The following ADH7 variants were observed in gnomAD, a reference collection of about 807,000 sequenced individuals.
ADH7 encodes the protein all-trans-retinol dehydrogenase [NAD(+)] ADH7.
Under a neutral mutation model 34.4 loss-of-function variants are expected in ADH7, and 41 were observed. The observed-to-expected ratio is 1.19, with a 90% confidence interval of 0.93 to 1.55. The LOEUF (loss-of-function observed/expected upper bound fraction) is 1.55, where lower values mean the gene tolerates loss of function less well. Ranked by LOEUF, ADH7 falls within the 40% of genes most tolerant of loss-of-function variation. ADH7 has a pLI of 0.00. For synonymous variants in ADH7, 180 were observed against 160.9 expected (o/e 1.12, Z -0.90); for missense variants, 540 against 461.2 (o/e 1.17, Z -1.56).
intron 1 of ADH7, among the ~76,000 whole-genome samples, chr4:99,434,032 C>T (rs1282024318): frequency 6.6e-6 from 1 of 152,068 alleles, no homozygotes; most frequent in African/African-American, 2.4e-5. Flanking sequence ...ATTGCATGAC[C>T]ATATATCAAA....
chr4:99,431,813 A>G (rs1245244282), intron 1 of ADH7, among the ~76,000 whole-genome samples: 2 of 152,218 alleles, frequency 1.3e-5, no homozygotes, highest in Non-Finnish European at 2.9e-5. Context: ...CTAAAAAGTC[A>G]AAAAACAAAC....
Position 99,420,578 on chromosome 4 carries a change from G to A in ADH7, c.780C>T (p.Asn260=). The change falls in exon 6 of 9, where the codon AAC becomes AAT. Residue 260 remains asparagine (N), a synonymous_variant. Transcript: ENST00000437033. ...TAACTTCAAAGGTGTATCCCACGTT[G>A]TTGCCTGTCATTTCTGACAGCACCT... is the stretch of plus-strand genomic sequence containing the variant. ...ISEVLSEMTG[N]NVGYTFEVIG... 2.5e-6 allele frequency: 4 copies of A among 1,613,892 alleles called. No homozygotes were observed. Among genetic ancestry groups the A allele is most frequent in the Non-Finnish European group, 3.4e-6 (4 of 1,179,902 alleles).
At chr4:99,424,348 A>G (rs1721746171) in intron 5 of ADH7, among the ~76,000 whole-genome samples, 4 of 152,098 alleles carry the variant, frequency 2.6e-5, no homozygotes, top group Admixed American at 2.6e-4. Flanking sequence ...CTTAGGATTG[A>G]CTTGGCGATG....
Position 99,420,666 on chromosome 4 carries a change from T to A in ADH7, c.692A>T (p.Lys231Met), listed in dbSNP as rs1721630941. The A allele has an allele frequency of 1.2e-6, 2 of 1,613,848 alleles. No individual in the cohort carries two copies. The highest frequency in any genetic ancestry group is 2.7e-5 in the African/African-American group (2 of 74,898). The change falls in exon 6 of 9, where the codon AAG (lysine) becomes ATG (methionine). Residue 231 changes from lysine to methionine, a missense_variant. Physicochemically the swap from Lys to Met is moderately conservative, Grantham distance 95 (BLOSUM62 -1). Coordinates refer to ENST00000437033, the MANE Select transcript of ADH7 (RefSeq NM_000673.7). ...GIDLNKDKFEKAMAVGATECI... is the reference protein window; with the variant it reads ...GIDLNKDKFEMAMAVGATECI... ...CTCAGTGGCACCTACAGCCATGGCC[T>A]TCTCAAATTTGTCTTTGTTGAGGTC...
intron 1 of ADH7, chr4:99,430,405 T>A (rs562516054): frequency 1.1e-4 from 17 of 152,322 alleles, no homozygotes; most frequent in Admixed American, 7.8e-4. Context: ...ATTATTGAAT[T>A]ATGACAGAGA....
At chr4:99,415,341 A>T in intron 8 of ADH7, 137 bp downstream of exon 8, 1 of 939,272 alleles carries the variant, frequency 1.1e-6, no homozygotes, top group Non-Finnish European at 1.6e-6. Context: ...GTGGGTAAAG[A>T]GAAGTAATTA....
Position 99,420,639 on chromosome 4 carries a change from C to A in ADH7, c.719G>T (p.Cys240Phe). The A allele has an allele frequency of 6.2e-7, 1 of 1,613,910 alleles. No homozygotes were observed. Among genetic ancestry groups the A allele is most frequent in the Non-Finnish European group, 8.5e-7 (1 of 1,179,922 alleles). Reference sequence around the variant, plus strand: ...TTTGGTAGAGTCCTTGGGACTGATACACTCAGTGGCACCTACAGCCATGGC... The same window carrying A: ...TTTGGTAGAGTCCTTGGGACTGATAAACTCAGTGGCACCTACAGCCATGGC... ...EKAMAVGATE[C>F]ISPKDSTKPI... is the part of the protein sequence containing the mutation. The change falls in exon 6 of 9, where the codon TGT becomes TTT. Residue 240 changes from cysteine (C) to phenylalanine (F), a missense_variant. Physicochemically the swap from Cys to Phe is radical, Grantham distance 205 (BLOSUM62 -2). Coordinates refer to ENST00000437033, the MANE Select transcript of ADH7 (RefSeq NM_000673.7).
chr4:99,413,842 C>T (rs895622268), intron 8 of ADH7, among the ~76,000 whole-genome samples: 13 of 152,068 alleles, frequency 8.5e-5, no homozygotes, highest in African/African-American at 1.2e-4. Context: ...ATCATCAAGG[C>T]TTAGAATTGG....
At chr4:99,415,302 T>A in intron 8 of ADH7, 176 bp downstream of exon 8, 1 of 684,208 alleles carries the variant, frequency 1.5e-6, no homozygotes, top group Admixed American at 3.0e-5. Context: ...TTTTTTTTTT[T>A]TATAGTAGTA....
chr4:99,435,212 T>TTACTTTTCCAGCAGTGCCCATCCTGTC lies in ADH7; in HGVS notation c.-6_18+3dup, dbSNP rs750777249. Reference sequence around the variant, plus strand: ...TGAGGAGGGGACAGAAATGTTCCACTTACTTTTCCAGCAGTGCCCATCCTG... The same window carrying TTACTTTTCCAGCAGTGCCCATCCTGTC: ...TGAGGAGGGGACAGAAATGTTCCACTTACTTTTCCAGCAGTGCCCATCCTGTCTACTTTTCCAGCAGTGCCCATCCTG... On this transcript the variant is annotated splice_donor_region_variant and intron_variant, in intron 1 of 8. Coordinates refer to ENST00000437033, the MANE Select transcript of ADH7 (RefSeq NM_000673.7). 2.5e-6 allele frequency: 4 copies of TTACTTTTCCAGCAGTGCCCATCCTGTC among 1,613,128 alleles called. No individual in the cohort carries two copies. In the Admixed American group the frequency reaches 5.0e-5, roughly 20 times the overall value.
chr4:99,419,827 A>G (rs1433369773), intron 6 of ADH7, among the ~76,000 whole-genome samples: 1 of 152,222 alleles, frequency 6.6e-6, no homozygotes, highest in Non-Finnish European at 1.5e-5. Flanking sequence ...ATGATAAATT[A>G]AGGACTATTT....
intron 5 of ADH7, among the ~76,000 whole-genome samples, chr4:99,423,646 C>T: frequency 6.6e-6 from 1 of 152,194 alleles, no homozygotes; most frequent in Non-Finnish European, 1.5e-5. Context: ...GAGCATTTTT[C>T]CACATGTTTT....
chr4:99,426,887 C>T (rs34907712), intron 5 of ADH7, among the ~76,000 whole-genome samples: 15,967 of 152,096 alleles, frequency 0.1, 1,072 homozygotes, highest in South Asian at 0.14. Flanking sequence ...TTCATACCTG[C>T]GATGCAAGGC....
chr4:99,426,764 G>T (rs1327017384), intron 5 of ADH7, among the ~76,000 whole-genome samples: 2 of 152,046 alleles, frequency 1.3e-5, no homozygotes, highest in African/African-American at 4.8e-5. Context: ...CCAAAAAAGA[G>T]AATTTTAGAC....
chr4:99,418,267 C>G (rs1028908001), intron 7 of ADH7, among the ~76,000 whole-genome samples: 1 of 152,082 alleles, frequency 6.6e-6, no homozygotes, highest in Non-Finnish European at 1.5e-5. Context: ...ATGTACTTCT[C>G]TAAGTGAAGA....
chr4:99,417,867 T>C (rs946215134), intron 7 of ADH7, among the ~76,000 whole-genome samples: 2 of 152,232 alleles, frequency 1.3e-5, no homozygotes, highest in African/African-American at 4.8e-5. Flanking sequence ...TCTTATTGTT[T>C]TGTTCTTCAA....
Position 99,420,575 on chromosome 4 carries a change from G to A in ADH7, c.783C>T (p.Asn261=), listed in dbSNP as rs374938260. The A allele has an allele frequency of 3.1e-5, 50 of 1,613,770 alleles. No homozygotes were observed. Among genetic ancestry groups the A allele is most frequent in the Middle Eastern group, 3.3e-4 (2 of 6,082 alleles). Residue 261 remains asparagine (N), a synonymous_variant, in exon 6 of 9, where the codon AAC becomes AAT. Coordinates refer to ENST00000437033, the MANE Select transcript of ADH7 (RefSeq NM_000673.7). Reference sequence around the variant, plus strand: ...CAATAACTTCAAAGGTGTATCCCACGTTGTTGCCTGTCATTTCTGACAGCA... The same window carrying A: ...CAATAACTTCAAAGGTGTATCCCACATTGTTGCCTGTCATTTCTGACAGCA... The part of the protein sequence containing the change: ...SEVLSEMTGN[N]VGYTFEVIGH...
In ADH7 at chr4:99,429,964, T is replaced by C. The variant is rs565403191; in HGVS notation, c.19-331A>G. ...CACCCCCACCCAAAAATAGGTTATT[T>C]TGTTACAATTTCAAATCTAATAGAT... On this transcript the variant is annotated intron_variant, in intron 1 of 8. Transcript: ENST00000437033. Among the ~76,000 whole-genome samples the C allele has an allele frequency of 4.3e-4, 66 of 152,348 alleles. 1 individual carries two copies. Among genetic ancestry groups the C allele is most frequent in the South Asian group, 2.5e-3 (12 of 4,832 alleles).
rs1042111 is a variant in ADH7 at position 99,427,926 on chromosome 4, G to A, written c.411C>T (p.Val137=). Reference sequence around the variant, plus strand: ...ATGTACTGGTGTTCATGAAGTGGTGGACTGGTTTGCCCTTGCATGTAAATC... The same window carrying A: ...ATGTACTGGTGTTCATGAAGTGGTGAACTGGTTTGCCCTTGCATGTAAATC... ...TTRFTCKGKP[V]HHFMNTSTFT... Residue 137 remains valine (V), a synonymous_variant, in exon 5 of 9, where the codon GTC becomes GTT. Coordinates refer to ENST00000437033, the MANE Select transcript of ADH7 (RefSeq NM_000673.7). 1 of 1,613,822 alleles carries A rather than the reference G, an allele frequency of 6.2e-7. No homozygotes were observed. The highest frequency in any genetic ancestry group is 1.3e-5 in the African/African-American group (1 of 74,936).
Sources: allele counts gnomAD v4.1 joint callset (sites outside exome capture counted in the v4.1 genomes callset), GRCh38; gene constraint gnomAD v4.1.1; transcripts MANE v1.5; gene names NCBI Gene and HGNC (gene_info 2026-07-23, HGNC 2026-07-21).